Variants in ADGRL2 observed in about 807,000 individuals in gnomAD.
ADGRL2 encodes adhesion G protein-coupled receptor L2, also known as calcium-independent alpha-latrotoxin receptor 2.
In ADGRL2, 44 loss-of-function variants were observed where a neutral mutation model predicts 157.4. The ratio of observed to expected loss-of-function variants is 0.28; its 90% confidence interval spans 0.22 to 0.36. The LOEUF (loss-of-function observed/expected upper bound fraction) is 0.36, where lower values mean the gene tolerates loss of function less well. Ranked by LOEUF, ADGRL2 falls within the 10% of genes least tolerant of loss-of-function variation. ADGRL2 has a pLI of 1.00. For missense variants in ADGRL2, 1,510 were observed against 1,768.9 expected (o/e 0.85, Z 2.63); for synonymous variants, 585 against 624.7 (o/e 0.94, Z 0.95).
chr1:81,904,209 T>G (rs1332987077), intron 2 of ADGRL2, among the ~76,000 whole-genome samples: 2 of 151,912 alleles, frequency 1.3e-5, no homozygotes, highest in Non-Finnish European at 2.9e-5. Flanking sequence ...GCAGGGTAGA[T>G]ATATATATAT....
At chr1:81,501,783 A>C in intron 2 of ADGRL2, 1 of 1,437,980 alleles carries the variant, frequency 7.0e-7, no homozygotes, top group Non-Finnish European at 9.5e-7. Flanking sequence ...GAGCCACTTC[A>C]GCAGCAGCAG....
At chr1:81,393,034 G>A (rs990702646) in intron 1 of ADGRL2, among the ~76,000 whole-genome samples, 17 of 152,076 alleles carry the variant, frequency 1.1e-4, no homozygotes, top group Non-Finnish European at 4.4e-5. Flanking sequence ...ACATGAGAGT[G>A]TAAATTTCAA....
At chr1:81,353,684 T>C (rs917647245) in intron 1 of ADGRL2, among the ~76,000 whole-genome samples, 8 of 152,190 alleles carry the variant, frequency 5.3e-5, no homozygotes, top group Non-Finnish European at 1.0e-4. Flanking sequence ...TGGAAGCTCA[T>C]TGAAGAGCAA....
intron 2 of ADGRL2, among the ~76,000 whole-genome samples, chr1:81,778,001 T>C (rs746441803): frequency 6.6e-6 from 1 of 151,974 alleles, no homozygotes; most frequent in Non-Finnish European, 1.5e-5. Flanking sequence ...GGTACAATCA[T>C]CAATCAGTTA....
intron 2 of ADGRL2, among the ~76,000 whole-genome samples, chr1:81,489,780 G>A (rs2078590303): frequency 2.0e-5 from 3 of 152,202 alleles, no homozygotes; most frequent in Admixed American, 2.0e-4. Flanking sequence ...ATTAGAAATT[G>A]TAGAGGCCCA....
chr1:81,961,577 G>A (rs773762130), intron 11 of ADGRL2, among the ~76,000 whole-genome samples: 13 of 145,190 alleles, frequency 9.0e-5, no homozygotes, highest in Admixed American at 1.4e-4. Context: ...GCATGATCTC[G>A]GCTCACTGCA....
At chr1:81,464,673 C>G (rs892606086) in intron 2 of ADGRL2, among the ~76,000 whole-genome samples, 4 of 152,102 alleles carry the variant, frequency 2.6e-5, no homozygotes, top group Non-Finnish European at 4.4e-5. Flanking sequence ...TTAATTGATA[C>G]AGTTACTCCA....
intron 1 of ADGRL2, among the ~76,000 whole-genome samples, chr1:81,354,212 A>G (rs1663116468): frequency 6.6e-6 from 1 of 152,134 alleles, no homozygotes; most frequent in Admixed American, 6.6e-5. Flanking sequence ...CCCTACAAGA[A>G]AACTACAATT....
intron 2 of ADGRL2, among the ~76,000 whole-genome samples, chr1:81,884,646 A>C (rs1418794877): frequency 6.6e-6 from 1 of 152,200 alleles, no homozygotes; most frequent in Non-Finnish European, 1.5e-5. Context: ...TTTTCTGTAT[A>C]AGATGGGGAG....
intron 1 of ADGRL2, among the ~76,000 whole-genome samples, chr1:81,424,564 C>T (rs902728803): frequency 6.6e-6 from 1 of 152,142 alleles, no homozygotes; most frequent in Non-Finnish European, 1.5e-5. Flanking sequence ...AAATAACTGC[C>T]TCTATCATTG....
chr1:81,874,122 A>G (rs1557821966), intron 2 of ADGRL2, among the ~76,000 whole-genome samples: 3 of 152,252 alleles, frequency 2.0e-5, no homozygotes, highest in South Asian at 2.1e-4. Context: ...AGCTACTCCA[A>G]CATTCTTTCT....
At chr1:81,708,927 C>A (rs1455503301) in intron 1 of ADGRL2, among the ~76,000 whole-genome samples, 1 of 151,972 alleles carries the variant, frequency 6.6e-6, no homozygotes, top group Non-Finnish European at 1.5e-5. Context: ...TTAGATGGGT[C>A]CATTATTTTC....
chr1:81,646,817 C>A (rs540008971), intron 3 of ADGRL2, among the ~76,000 whole-genome samples: 2 of 152,230 alleles, frequency 1.3e-5, no homozygotes, highest in African/African-American at 4.8e-5. Flanking sequence ...GCCATGCCAG[C>A]CTCTCTTGGC....
rs1190099653 is a variant in ADGRL2 at position 81,936,851 on chromosome 1, T to G, written c.397+14T>G. 5 of 1,466,080 alleles carry G rather than the reference T, an allele frequency of 3.4e-6. No individual in the cohort carries two copies. The highest frequency in any genetic ancestry group is 4.8e-6 in the Non-Finnish European group (5 of 1,046,244). The allele number at this position is 1,466,080 out of a possible 1,614,324, so 90.8% of individuals were successfully genotyped here. A position where few individuals can be genotyped will look rare whatever the true frequency, so the allele number is the denominator to read the frequency against. ...GTGTCCCTTACAGTAAGTATGCAGTTTATATTTTTTTACACTTTGCCCAGC... is the reference window on the plus strand; with the variant it reads ...GTGTCCCTTACAGTAAGTATGCAGTGTATATTTTTTTACACTTTGCCCAGC... On this transcript the variant is annotated intron_variant, in intron 4 of 23. Coordinates refer to ENST00000686636, the MANE Select transcript of ADGRL2 (RefSeq NM_001366006.2).
chr1:81,825,141 T>C (rs1360769529), intron 1 of ADGRL2, among the ~76,000 whole-genome samples: 1 of 151,920 alleles, frequency 6.6e-6, no homozygotes, highest in Non-Finnish European at 1.5e-5. Context: ...AGGTCAGGAG[T>C]TCTAGACAAG....
intron 19 of ADGRL2, among the ~76,000 whole-genome samples, 190 bp downstream of exon 19, chr1:81,982,166 TG>T (rs755988961): frequency 4.6e-5 from 7 of 151,974 alleles, no homozygotes; most frequent in Non-Finnish European, 4.4e-5. Flanking sequence ...AGTCATCTTT[TG>T]TATCTCAGTT....
At chr1:81,881,445 G>T (rs1294344716) in intron 2 of ADGRL2, among the ~76,000 whole-genome samples, 1 of 152,170 alleles carries the variant, frequency 6.6e-6, no homozygotes, top group African/African-American at 2.4e-5. Flanking sequence ...CAAAGTGCTG[G>T]GATTACAGGC....
chr1:81,560,502 C>G (rs1178251215), intron 2 of ADGRL2, among the ~76,000 whole-genome samples: 1 of 152,094 alleles, frequency 6.6e-6, no homozygotes, highest in Non-Finnish European at 1.5e-5. Flanking sequence ...AGGCAACAGC[C>G]TCTATTTTTA....
chr1:81,411,414 T>A (rs2076942839), intron 1 of ADGRL2, among the ~76,000 whole-genome samples: 1 of 152,136 alleles, frequency 6.6e-6, no homozygotes, highest in Admixed American at 6.5e-5. Flanking sequence ...ATTTAATCCT[T>A]CCAGCAGCCC....
Sources: allele counts gnomAD v4.1 joint callset (sites outside exome capture counted in the v4.1 genomes callset), GRCh38; gene constraint gnomAD v4.1.1; transcripts MANE v1.5; gene names NCBI Gene and HGNC (gene_info 2026-07-23, HGNC 2026-07-21).